LRP1B: variants seen among roughly 807,000 people sequenced by gnomAD.
LRP1B encodes the protein low-density lipoprotein receptor-related protein 1B.
LRP1B carries 217 observed loss-of-function variants against 556.6 expected under a neutral mutation model. That is an observed-to-expected ratio of 0.39 (90% CI 0.35 to 0.44). The LOEUF (loss-of-function observed/expected upper bound fraction) is 0.44. Among genes scored for constraint, LRP1B ranks in the 20% least tolerant of loss-of-function variants. LRP1B has a pLI of 1.00. For missense variants in LRP1B, 5,053 were observed against 5,620.8 expected, an observed-to-expected ratio of 0.90 and a Z score of 3.23; for synonymous variants, 2,047 against 1,865.8, an observed-to-expected ratio of 1.10 and a Z score of -2.50.
Position 140,330,876 on chromosome 2 carries a change from AAAC to A in LRP1B, c.12223+3574_12223+3576del, listed in dbSNP as rs528597354. On this transcript the variant is annotated intron_variant, in intron 79 of 90. Transcript: ENST00000389484. Reference sequence around the variant, plus strand: ...GGAACTTAAACAAATTTACACGAAAAAACAACCCCAGTAAAAAGTGTGCAAAGG... The same window carrying A: ...GGAACTTAAACAAATTTACACGAAAAAACCCCAGTAAAAAGTGTGCAAAGG... Among the ~76,000 whole-genome samples the A allele has an allele frequency of 2.9e-3, 447 of 152,244 alleles. 1 individual carries two copies. The highest frequency in any genetic ancestry group is 0.01 in the African/African-American group (423 of 41,562).
rs1229164090 is a variant in LRP1B, at chr2:141,480,462, A to G, written c.277T>C (p.Leu93=). ...AAGACACCATTGCACAGCTGGGATAAATGAACACATTTGTTGGTACCAAGG... is the reference window on the plus strand; with the variant it reads ...AAGACACCATTGCACAGCTGGGATAGATGAACACATTTGTTGGTACCAAGG... ...ACLGTNKCVH[L]SQLCNGVLDC... Residue 93 remains leucine (L), a synonymous_variant, in exon 3 of 91, where the codon TTA becomes CTA. Coordinates refer to ENST00000389484, the MANE Select transcript of LRP1B (RefSeq NM_018557.3). 1.9e-6 allele frequency: 3 copies of G among 1,613,888 alleles called. No individual in the cohort carries two copies. Among genetic ancestry groups the G allele is most frequent in the Non-Finnish European group, 2.5e-6 (3 of 1,179,948 alleles).
chr2:140,852,913 AG>A (rs1241313822), intron 27 of LRP1B, among the ~76,000 whole-genome samples: 2 of 151,956 alleles, frequency 1.3e-5, no homozygotes, highest in African/African-American at 4.8e-5. Context: ...AGTAGAAAAA[AG>A]TCACTAGAAC....
chr2:141,568,480 C>G (rs1237654487), intron 2 of LRP1B, among the ~76,000 whole-genome samples: 1 of 150,758 alleles, frequency 6.6e-6, no homozygotes, highest in East Asian at 1.9e-4. Context: ...AAGACAACCA[C>G]CCAAAAAATG....
chr2:141,136,988 C>A (rs1701507655), intron 7 of LRP1B, among the ~76,000 whole-genome samples: 1 of 151,820 alleles, frequency 6.6e-6, no homozygotes, highest in Non-Finnish European at 1.5e-5. Context: ...GAAATCCATA[C>A]ACTGTCAAAA....
intron 35 of LRP1B, among the ~76,000 whole-genome samples, chr2:140,741,367 G>C (rs1688131535): frequency 6.6e-6 from 1 of 152,052 alleles, no homozygotes. Context: ...TAACTGAACA[G>C]AAACACTTAG....
chr2:140,616,640 T>C (rs1201436051), intron 41 of LRP1B, among the ~76,000 whole-genome samples: 2 of 151,820 alleles, frequency 1.3e-5, no homozygotes, highest in African/African-American at 2.4e-5. Context: ...CCAAAATATA[T>C]ATGCTGATTT....
chr2:141,326,623 T>C (rs1687440583), intron 3 of LRP1B, among the ~76,000 whole-genome samples: 1 of 152,062 alleles, frequency 6.6e-6, no homozygotes, highest in Admixed American at 6.6e-5. Flanking sequence ...TCAGGGCACA[T>C]TTTGTGGGTT....
In LRP1B at chr2:141,072,555, A is replaced by C. The variant is rs985755580; in HGVS notation, c.1014-10282T>G. Among the ~76,000 whole-genome samples the C allele has an allele frequency of 7.2e-5, 11 of 151,994 alleles. No homozygotes were observed. The East Asian group carries it at 2.1e-3, about 30-fold the overall frequency. ...AGAAATTACCTGTCTTCCCAACCAC[A>C]CACAGAATCTCACTCTTCCACTTGA... is the stretch of plus-strand genomic sequence containing the variant. On this transcript the variant is annotated intron_variant, in intron 7 of 90. Transcript: ENST00000389484.
At chr2:140,680,116 C>T (rs9287297) in intron 41 of LRP1B, among the ~76,000 whole-genome samples, 35,932 of 151,802 alleles carry the variant, frequency 0.24, 4,880 homozygotes, top group African/African-American at 0.38. Flanking sequence ...ACACCTCGTT[C>T]CAGGGCCCAC....
At chr2:141,977,040 G>A (rs921094479) in intron 1 of LRP1B, among the ~76,000 whole-genome samples, 46 of 152,092 alleles carry the variant, frequency 3.0e-4, no homozygotes, top group Non-Finnish European at 5.4e-4. Context: ...ATGAAGTCTA[G>A]ATGGAGTCTC....
chr2:141,573,846 G>T (rs1686628694), intron 2 of LRP1B, among the ~76,000 whole-genome samples: 1 of 152,084 alleles, frequency 6.6e-6, no homozygotes, highest in Non-Finnish European at 1.5e-5. Flanking sequence ...AGAAAACCTA[G>T]AAGAAATGGA....
intron 3 of LRP1B, among the ~76,000 whole-genome samples, chr2:141,266,121 G>A (rs1044152840): frequency 1.3e-5 from 2 of 151,990 alleles, no homozygotes. Flanking sequence ...TCAGGAGATC[G>A]AGACCATCCT....
chr2:141,008,396 A>G (rs989283154), intron 14 of LRP1B, among the ~76,000 whole-genome samples: 1 of 151,172 alleles, frequency 6.6e-6, no homozygotes, highest in Non-Finnish European at 1.5e-5. Flanking sequence ...TTCTTATTAA[A>G]TTATCATTTA....
In LRP1B at chr2:140,935,389, C is replaced by T. The variant is rs140658545; in HGVS notation, c.3137-12242G>A. Among the ~76,000 whole-genome samples, 159 of 151,870 alleles carry T rather than the reference C, an allele frequency of 1.0e-3. 1 individual carries two copies. The highest frequency in any genetic ancestry group is 3.5e-3 in the African/African-American group (147 of 41,444). ...CCTTTGGAGATGAAAAGTACAATAA[C>T]TAAAATGAAAAATTCACTAAAGAGA... On this transcript the variant is annotated intron_variant, in intron 20 of 90. Transcript: ENST00000389484.
intron 2 of LRP1B, among the ~76,000 whole-genome samples, chr2:141,568,282 T>C (rs1286460912): frequency 6.6e-6 from 1 of 151,116 alleles, no homozygotes; most frequent in Non-Finnish European, 1.5e-5. Flanking sequence ...GAGATTTATA[T>C]ACAGTTTTCA....
At chr2:141,721,396 G>T (rs900921713) in intron 2 of LRP1B, among the ~76,000 whole-genome samples, 2 of 152,030 alleles carry the variant, frequency 1.3e-5, no homozygotes, top group African/African-American at 2.4e-5. Context: ...GGTTGAATTC[G>T]TACTATCGAC....
At chr2:140,737,241 C>T (rs1461424107) in intron 35 of LRP1B, among the ~76,000 whole-genome samples, 1 of 152,068 alleles carries the variant, frequency 6.6e-6, no homozygotes, top group African/African-American at 2.4e-5. Context: ...TTGTGTTGAT[C>T]CTCCTAGATC....
At chr2:140,905,824 G>C (rs1694235124) in intron 22 of LRP1B, among the ~76,000 whole-genome samples, 2 of 152,058 alleles carry the variant, frequency 1.3e-5, no homozygotes, top group African/African-American at 4.8e-5. Flanking sequence ...TGTTTTACTA[G>C]TTAGCATCTG....
chr2:140,775,452 AT>A (rs35557716), intron 33 of LRP1B, among the ~76,000 whole-genome samples: 2 of 135,804 alleles, frequency 1.5e-5, no homozygotes, highest in Non-Finnish European at 3.1e-5. Context: ...AGTACAGTAT[AT>A]TTTTTTTTGG....
Sources: allele counts gnomAD v4.1 joint callset (sites outside exome capture counted in the v4.1 genomes callset), GRCh38; gene constraint gnomAD v4.1.1; transcripts MANE v1.5; gene names NCBI Gene and HGNC (gene_info 2026-07-23, HGNC 2026-07-21).